Variants in PITPNM2 observed in about 807,000 individuals in gnomAD.
The protein encoded by PITPNM2 is membrane-associated phosphatidylinositol transfer protein 2.
PITPNM2 carries 35 observed loss-of-function variants against 132.2 expected under a neutral mutation model. The observed-to-expected ratio is 0.26, with a 90% CI of 0.20 to 0.35. The LOEUF is 0.35. PITPNM2 is among the 10% of genes least tolerant of loss of function. The probability of loss-of-function intolerance (pLI) is 1.00; values close to 1 mark genes in which losing one functional copy is unlikely to be tolerated. For missense variants in PITPNM2, 1,332 were observed against 1,912.0 expected, an observed-to-expected ratio of 0.70 and a Z score of 5.66; for synonymous variants, 738 against 799.2, an observed-to-expected ratio of 0.92 and a Z score of 1.29.
intron 1 of PITPNM2, among the ~76,000 whole-genome samples, chr12:123,145,697 C>G (rs777231833): frequency 6.6e-6 from 1 of 152,158 alleles, no homozygotes; most frequent in Non-Finnish European, 1.5e-5. Context: ...TGTCCTCTAG[C>G]AAGGGCAGTT....
At chr12:123,149,469 G>T (rs2043683710) in intron 1 of PITPNM2, among the ~76,000 whole-genome samples, 1 of 152,126 alleles carries the variant, frequency 6.6e-6, no homozygotes, top group Admixed American at 6.6e-5. Context: ...TAATTTAACA[G>T]CAACAGTCCA....
At position 122,995,515 on chromosome 12, in the gene PITPNM2, C is replaced by G; in HGVS notation, c.1928G>C (p.Arg643Pro). 1 of 1,613,164 alleles carries G rather than the reference C, an allele frequency of 6.2e-7. No homozygotes were observed. The highest frequency in any genetic ancestry group is 8.5e-7 in the Non-Finnish European group (1 of 1,180,014). Residue 643 changes from arginine to proline, a missense_variant, in exon 14 of 26, where the codon CGA (arginine) becomes CCA (proline). Arg to Pro is a moderately radical substitution (Grantham distance 103). This residue lies in a region of PITPNM2 where 710 missense variants were observed against 911.5 expected (regional missense o/e 0.78). Coordinates refer to ENST00000320201, the MANE Select transcript of PITPNM2 (RefSeq NM_020845.3). ...GCTGCGGGGGATGTCGACGTTGCTT[C>G]GGCTCAGGTGCCGACTGCTCTCCAG... ...SSLESSRHLS[R>P]SNVDIPRSNG...
chr12:123,085,306 G>C (rs1383044881), intron 2 of PITPNM2, among the ~76,000 whole-genome samples: 4 of 152,124 alleles, frequency 2.6e-5, no homozygotes, highest in African/African-American at 7.2e-5. Context: ...GGCAGCACCT[G>C]GTATAGGGTC....
At chr12:123,012,028 G>A (rs1345344917) in intron 5 of PITPNM2, among the ~76,000 whole-genome samples, 1 of 152,232 alleles carries the variant, frequency 6.6e-6, no homozygotes, top group African/African-American at 2.4e-5. Context: ...CTTGTACCCA[G>A]AGGCTGCAGG....
intron 1 of PITPNM2, among the ~76,000 whole-genome samples, chr12:123,142,006 G>A (rs938700855): frequency 1.3e-5 from 2 of 152,218 alleles, no homozygotes; most frequent in Non-Finnish European, 2.9e-5. Flanking sequence ...TTTAGTGGGG[G>A]TGTGGTGGGG....
In PITPNM2 at chr12:122,985,847, G is replaced by A. The variant is rs1431146586; in HGVS notation, c.*180C>T. 6 of 549,478 alleles carry A rather than the reference G, an allele frequency of 1.1e-5. No individual in the cohort carries two copies. Among genetic ancestry groups the A allele is most frequent in the South Asian group, 4.5e-5 (1 of 22,082 alleles). 34.0% of individuals were successfully genotyped at this position (549,478 alleles called of 1,614,324 possible). A position where few individuals can be genotyped will look rare whatever the true frequency, so the allele number is the denominator to read the frequency against. On this transcript the variant is annotated 3_prime_UTR_variant, in exon 26 of 26. Transcript: ENST00000320201. ...CCAGCTTCCATGACAAGCCGGACCC[G>A]TCAGGCCCGAGGACGTGAGGCAGGG...
rs563382750 is a variant in PITPNM2, at chr12:123,004,301, C to T, written c.1048+93G>A. ...ATATAGAATAGTAACAGGCAACACC[C>T]GCATCAGTCCACACCCACACCCTAA... On this transcript the variant is annotated intron_variant, in intron 8 of 25. Transcript: ENST00000320201. This position sits in a 1 kb window ranked among gnomAD's most constrained non-coding sequence, Gnocchi z 4.9. The T allele has an allele frequency of 2.4e-5, 28 of 1,170,034 alleles. No individual in the cohort carries two copies. The highest frequency in any genetic ancestry group is 3.0e-5 in the Non-Finnish European group (24 of 793,432). 72.5% of individuals were successfully genotyped at this position (1,170,034 alleles called of 1,614,324 possible). A position where few individuals can be genotyped will look rare whatever the true frequency, so the allele number is the denominator to read the frequency against.
rs1307383759 is a variant in PITPNM2, at chr12:123,095,932, C to T, written c.-96+14453G>A. On this transcript the variant is annotated intron_variant, in intron 2 of 25. Transcript: ENST00000320201. This position sits in a 1 kb window ranked among gnomAD's most constrained non-coding sequence, Gnocchi z 5.0. ...CCACTTCCACAAGGCTTGGCACTAT[C>T]GTAAGGATCATCACCGCCCATGACT... Among the ~76,000 whole-genome samples the T allele has an allele frequency of 1.3e-5, 2 of 152,250 alleles. No individual in the cohort carries two copies. The highest frequency in any genetic ancestry group is 2.1e-4 in the South Asian group (1 of 4,836).
At chr12:123,085,654 C>T (rs189043055) in intron 2 of PITPNM2, among the ~76,000 whole-genome samples, 56 of 151,838 alleles carry the variant, frequency 3.7e-4, no homozygotes, top group African/African-American at 1.2e-3. Flanking sequence ...GTGGTTAACA[C>T]AGAAAATTTT....
At chr12:123,109,136 A>G (rs2042782951) in intron 2 of PITPNM2, among the ~76,000 whole-genome samples, 1 of 152,214 alleles carries the variant, frequency 6.6e-6, no homozygotes, top group African/African-American at 2.4e-5. Context: ...TACCCCCACC[A>G]GCATCCTCAC....
rs571212441 is a variant in PITPNM2, at chr12:123,072,642, C to T, written c.-96+37743G>A. 3.6e-3 allele frequency among the ~76,000 whole-genome samples: 548 copies of T among 152,342 alleles called. 4 individuals carry two copies. Among genetic ancestry groups the T allele is most frequent in the African/African-American group, 0.012 (516 of 41,560 alleles). On this transcript the variant is annotated intron_variant, in intron 2 of 25. Coordinates refer to ENST00000320201, the MANE Select transcript of PITPNM2 (RefSeq NM_020845.3). ...ACTGGGGCAGAGCTGGGACCCCAGA[C>T]TCTCAGACTCCAGGCCTAGTGCTCC...
rs182894095 is a variant in PITPNM2 at position 123,128,815 on chromosome 12, T to A, written c.-199-18327A>T. The stretch of plus-strand genomic sequence containing the variant: ...GATATTCTTTATCATGTTGAAATAT[T>A]TGCCTATCCCTCAGTCTCTACGTTT... On this transcript the variant is annotated intron_variant, in intron 1 of 25. Transcript: ENST00000320201. 5.1e-3 allele frequency among the ~76,000 whole-genome samples: 770 copies of A among 151,740 alleles called. 20 individuals are homozygous for A. Among genetic ancestry groups the A allele is most frequent in the Non-Finnish European group, 3.9e-3 (265 of 67,942 alleles).
Position 122,994,887 on chromosome 12 carries a change from T to A in PITPNM2, c.2147A>T (p.Asp716Val). 1 of 1,612,192 alleles carries A rather than the reference T, an allele frequency of 6.2e-7. No homozygotes were observed. The highest frequency in any genetic ancestry group is 8.5e-7 in the Non-Finnish European group (1 of 1,179,896). ...LDGTGALGRF[D>V]FEITDLFLFG... ...GAGGAAGAGGTCGGTGATCTCAAAG[T>A]CAAACCTGCCCAGGGCACCTGTGCC... is the stretch of plus-strand genomic sequence containing the variant. Residue 716 changes from aspartate to valine, a missense_variant, in exon 15 of 26, where the codon GAC becomes GTC. This residue lies in a region of PITPNM2 where 710 missense variants were observed against 911.5 expected (regional missense o/e 0.78). Coordinates refer to ENST00000320201, the MANE Select transcript of PITPNM2 (RefSeq NM_020845.3). This position sits in a 1 kb window ranked among gnomAD's most constrained non-coding sequence, Gnocchi z 5.4.
intron 16 of PITPNM2, 58 bp from the exon 17 acceptor site, chr12:122,990,767 A>C: frequency 6.6e-7 from 1 of 1,518,194 alleles, no homozygotes. Context: ...GCCCCGGAGC[A>C]GTGGGGAAGC....
At chr12:123,148,423 A>G (rs1339108466) in intron 1 of PITPNM2, among the ~76,000 whole-genome samples, 1 of 152,166 alleles carries the variant, frequency 6.6e-6, no homozygotes, top group Admixed American at 6.5e-5. Context: ...TTTTTTCCAA[A>G]AACAGCAAGG....
At chr12:123,121,505 GCATAA>G (rs1566301671) in intron 1 of PITPNM2, among the ~76,000 whole-genome samples, 4 of 152,132 alleles carry the variant, frequency 2.6e-5, no homozygotes, top group Admixed American at 1.3e-4. Flanking sequence ...GGTTAAATAC[GCATAA>G]CATAACAATT....
intron 14 of PITPNM2, 105 bp from the exon 15 acceptor site, chr12:122,995,084 G>C: frequency 7.8e-7 from 1 of 1,280,208 alleles, no homozygotes; most frequent in Non-Finnish European, 1.1e-6. Context: ...GGGCCCACTG[G>C]CTTCAGGACA....
chr12:122,994,786 C>T lies in PITPNM2; in HGVS notation c.2233+15G>A, dbSNP rs2038350143. 2 of 1,605,452 alleles carry T rather than the reference C, an allele frequency of 1.2e-6. No homozygotes were observed. The highest frequency in any genetic ancestry group is 1.1e-5 in the South Asian group (1 of 90,362). On this transcript the variant is annotated intron_variant, in intron 15 of 25. Transcript: ENST00000320201. This position sits in a 1 kb window ranked among gnomAD's most constrained non-coding sequence, Gnocchi z 5.4. ...AGTGCATGTACCCCCCATCCTGCCC[C>T]TGCTGGGCTCTCACCATCCAGGGCT...
chr12:122,998,417 T>G (rs11061266), intron 10 of PITPNM2, among the ~76,000 whole-genome samples: 14,372 of 152,020 alleles, frequency 0.095, 2,242 homozygotes, highest in African/African-American at 0.33. Context: ...ACATAGCGTG[T>G]CGGTGCCAGG....
Sources: gnomAD v4.1 joint callset for allele counts (sites outside exome capture counted in the v4.1 genomes callset) on GRCh38, gnomAD v4.1.1 for gene constraint, gnomAD v4.1.1 regional missense constraint, Gnocchi (gnomAD v3.1) non-coding constraint, MANE v1.5 for transcripts, NCBI Gene and HGNC (gene_info 2026-07-23, HGNC 2026-07-21) for gene names.